Variants in TFB1M observed in about 807,000 individuals in gnomAD.
TFB1M encodes the protein dimethyladenosine transferase 1, mitochondrial.
TFB1M carries 27 observed loss-of-function variants against 31.1 expected under a neutral mutation model. The ratio of observed to expected loss-of-function variants is 0.87; its 90% CI spans 0.64 to 1.20. The LOEUF (loss-of-function observed/expected upper bound fraction) is 1.20. Ranked by LOEUF, TFB1M falls within the 50% of genes most tolerant of loss-of-function variation. TFB1M has a pLI of 0.00. For missense variants in TFB1M, 394 were observed against 418.7 expected (o/e 0.94, Z 0.51); for synonymous variants, 166 against 151.8 (o/e 1.09, Z -0.69).
intron 5 of TFB1M, among the ~76,000 whole-genome samples, chr6:155,277,412 A>C (rs11967102): frequency 6.6e-6 from 1 of 152,242 alleles, no homozygotes; most frequent in African/African-American, 2.4e-5. Context: ...AAAATCTAGG[A>C]AACACTGCCC....
At position 155,256,149 on chromosome 6, in the gene TFB1M, T is replaced by C; in HGVS notation, c.*1687A>G. The C allele has an allele frequency of 2.1e-6, 1 of 472,702 alleles. No individual in the cohort carries two copies. Among genetic ancestry groups the C allele is most frequent in the Non-Finnish European group, 3.7e-6 (1 of 270,094 alleles). The allele number at this position is 472,702 out of a possible 1,614,324, so 29.3% of individuals were successfully genotyped here. ...AGCACCTTAGTGAAAGAAAGGAGCC[T>C]AGATTTATTATTACCAATTAACTTT... On this transcript the variant is annotated 3_prime_UTR_variant, in exon 7 of 7. Transcript: ENST00000367166.
chr6:155,259,129 C>T (rs1353803410), intron 6 of TFB1M, among the ~76,000 whole-genome samples: 1 of 152,158 alleles, frequency 6.6e-6, no homozygotes, highest in African/African-American at 2.4e-5. Context: ...TAGTTTTGTG[C>T]TCCCTCCTCC....
chr6:155,295,331 A>C (rs942756946), intron 4 of TFB1M, among the ~76,000 whole-genome samples: 1 of 151,694 alleles, frequency 6.6e-6, no homozygotes, highest in Non-Finnish European at 1.5e-5. Context: ...GTGCCACTGC[A>C]CTCCAGCCTG....
intron 4 of TFB1M, among the ~76,000 whole-genome samples, chr6:155,294,395 T>C (rs902529985): frequency 6.6e-6 from 1 of 151,848 alleles, no homozygotes; most frequent in South Asian, 2.1e-4. Flanking sequence ...TGCAATAGAG[T>C]AGAAGAAATG....
At chr6:155,264,086 A>G (rs1363738218) in intron 5 of TFB1M, 1 of 152,284 alleles carries the variant, frequency 6.6e-6, no homozygotes, top group African/African-American at 2.4e-5. Context: ...CTTGCAGGCT[A>G]TAGGCACCAC....
Position 155,257,863 on chromosome 6 carries a change from C to T in TFB1M, c.1014G>A (p.Glu338=). The change falls in exon 7 of 7, where the codon GAG becomes GAA. Residue 338 remains glutamate (E), a synonymous_variant. Coordinates refer to ENST00000367166, the MANE Select transcript of TFB1M (RefSeq NM_016020.4). ...RRKSKNEEKE[E]DDAENYRL is the part of the protein sequence containing the mutation. ...AGAGTCTGTAATTCTCTGCGTCATCCTCTTCTTTTTCTTCATTTTTGCTTT... is the reference window on the plus strand; with the variant it reads ...AGAGTCTGTAATTCTCTGCGTCATCTTCTTCTTTTTCTTCATTTTTGCTTT... 8.7e-6 allele frequency: 14 copies of T among 1,614,180 alleles called. No homozygotes were observed. The highest frequency in any genetic ancestry group is 1.3e-5 in the African/African-American group (1 of 75,034).
At chr6:155,244,961 A>T in the TFB1M span, 7 of 721,394 alleles carry the variant, frequency 9.7e-6, no homozygotes, top group Admixed American at 3.9e-5. Flanking sequence ...GGCTGTATAT[A>T]TTTTTTTTTC....
chr6:155,292,623 CACTCAACCCAAT>C (rs1776983372), intron 4 of TFB1M, among the ~76,000 whole-genome samples: 1 of 152,076 alleles, frequency 6.6e-6, no homozygotes, highest in South Asian at 2.1e-4. Flanking sequence ...ACAAACCCAA[CACTCAACCCAAT>C]ACCACAAAAT....
rs569178918 is a variant in TFB1M, at chr6:155,311,077, T to C, written c.285+111A>G. 25 of 1,192,990 alleles carry C rather than the reference T, an allele frequency of 2.1e-5. No individual in the cohort carries two copies. The African/African-American group carries it at 2.3e-4, about 11-fold the overall frequency. The allele number at this position is 1,192,990 out of a possible 1,614,324, so 73.9% of individuals were successfully genotyped here. ...TCTGGAATGGGGCCTTGGGGATCTA[T>C]AGTTGAGGAAAAACCTACATAATCT... On this transcript the variant is annotated intron_variant, in intron 2 of 6. Coordinates refer to ENST00000367166, the MANE Select transcript of TFB1M (RefSeq NM_016020.4).
the TFB1M span, among the ~76,000 whole-genome samples, chr6:155,244,321 G>C: frequency 6.6e-6 from 1 of 152,220 alleles, no homozygotes. Flanking sequence ...AGGTAGAAGA[G>C]AGTGTGATCA....
the TFB1M span, among the ~76,000 whole-genome samples, chr6:155,249,382 T>G: frequency 6.6e-6 from 1 of 152,246 alleles, no homozygotes; most frequent in Admixed American, 6.5e-5. Flanking sequence ...CGAGAGCTGG[T>G]GCCCTAAGCC....
rs1476070538 is a variant in TFB1M, at chr6:155,257,976, T to TA, written c.900dup (p.Lys301Ter). On this transcript the variant is annotated frameshift_variant, in exon 7 of 7. Transcript: ENST00000367166. LOFTEE classifies it low-confidence loss of function (END_TRUNC). ...TTTCTGTATACATCACAGAGGCTCTTAAAGTGTGAGATGGAGAGCTGGCGG... is the reference window on the plus strand; with the variant it reads ...TTTCTGTATACATCACAGAGGCTCTTAAAAGTGTGAGATGGAGAGCTGGCGG... The TA allele has an allele frequency of 1.2e-6, 2 of 1,614,194 alleles. No individual in the cohort carries two copies. The highest frequency in any genetic ancestry group is 1.7e-6 in the Non-Finnish European group (2 of 1,180,036).
rs1179274585 is a variant in TFB1M, at chr6:155,260,191, G to A, written c.794+82C>T. On this transcript the variant is annotated intron_variant, in intron 6 of 6. Coordinates refer to ENST00000367166, the MANE Select transcript of TFB1M (RefSeq NM_016020.4). The stretch of plus-strand genomic sequence containing the variant: ...TGTAATACTCAGAGCTTTAAGAATA[G>A]AGCAAACAAGGTTCTCACTCTTAAA... 14 of 1,452,688 alleles carry A rather than the reference G, an allele frequency of 9.6e-6. No homozygotes were observed. In the East Asian group the frequency reaches 2.5e-4, roughly 26 times the overall value. 90.0% of individuals were successfully genotyped at this position (1,452,688 alleles called of 1,614,324 possible).
chr6:155,248,568 G>A, the TFB1M span, among the ~76,000 whole-genome samples: 12,394 of 152,282 alleles, frequency 0.081, 596 homozygotes, highest in Non-Finnish European at 0.099. Context: ...TTCGCTGCCC[G>A]AGCTGCTGGT....
chr6:155,275,486 C>T, intron 5 of TFB1M: 2 of 482,238 alleles, frequency 4.1e-6, no homozygotes. Context: ...CTCCAGCCTA[C>T]AGCATCCTCA....
chr6:155,302,583 ACTTT>A (rs996766731), intron 2 of TFB1M, among the ~76,000 whole-genome samples: 6 of 152,128 alleles, frequency 3.9e-5, no homozygotes, highest in South Asian at 4.1e-4. Flanking sequence ...ACGTTTTCAG[ACTTT>A]CTCAGTATTT....
the TFB1M span, among the ~76,000 whole-genome samples, chr6:155,240,363 G>A: frequency 2.0e-5 from 3 of 152,216 alleles, no homozygotes; most frequent in Non-Finnish European, 4.4e-5. Flanking sequence ...ACTCAGATCC[G>A]AAATGATAGC....
the TFB1M span, chr6:155,245,482 T>C: frequency 1.3e-3 from 901 of 689,282 alleles, 4 homozygotes; most frequent in Non-Finnish European, 2.1e-4. Flanking sequence ...CCCCACCTCC[T>C]GTGTGGATGG....
chr6:155,313,881 TA>T (rs1476187398), intron 1 of TFB1M, among the ~76,000 whole-genome samples: 2 of 152,232 alleles, frequency 1.3e-5, no homozygotes, highest in African/African-American at 4.8e-5. Context: ...AAGTTATTGA[TA>T]AAATCCTCGC....
Sources: gnomAD v4.1 joint callset for allele counts (sites outside exome capture counted in the v4.1 genomes callset) on GRCh38, gnomAD v4.1.1 for gene constraint, MANE v1.5 for transcripts, NCBI Gene and HGNC (gene_info 2026-07-23, HGNC 2026-07-21) for gene names.